AKAP7: variants seen among roughly 807,000 people sequenced by gnomAD.
The protein encoded by AKAP7 is A kinase (PRKA) anchor protein 7.
Under a neutral mutation model 39.5 loss-of-function variants are expected in AKAP7, and 39 were observed. The observed-to-expected ratio is 0.99, with a 90% CI of 0.76 to 1.29. The LOEUF (loss-of-function observed/expected upper bound fraction) is 1.29, where lower values mean the gene tolerates loss of function less well. Among genes scored for constraint, AKAP7 ranks in the 50% most tolerant of loss-of-function variants. AKAP7 has a pLI of 0.00. For synonymous variants in AKAP7, 140 were observed against 139.1 expected (o/e 1.01, Z -0.05); for missense variants, 414 against 407.7 (o/e 1.02, Z -0.13).
intron 6 of AKAP7, among the ~76,000 whole-genome samples, chr6:131,202,465 A>G (rs1301205050): frequency 1.3e-5 from 2 of 151,462 alleles, no homozygotes; most frequent in African/African-American, 2.4e-5. Context: ...TTGTAGGGAC[A>G]TGGATGAAAT....
intron 7 of AKAP7, among the ~76,000 whole-genome samples, chr6:131,223,129 A>G (rs1453813289): frequency 6.6e-6 from 1 of 152,250 alleles, no homozygotes; most frequent in Non-Finnish European, 1.5e-5. Flanking sequence ...ACTGCATATA[A>G]TGAAACATAA....
At chr6:131,190,764 A>T (rs1270832800) in intron 5 of AKAP7, among the ~76,000 whole-genome samples, 2 of 152,180 alleles carry the variant, frequency 1.3e-5, no homozygotes, top group Non-Finnish European at 2.9e-5. Context: ...ACAAATGCCC[A>T]CTGTTTTAAT....
intron 6 of AKAP7, among the ~76,000 whole-genome samples, chr6:131,207,696 G>C (rs1338043526): frequency 6.6e-6 from 1 of 151,648 alleles, no homozygotes; most frequent in Non-Finnish European, 1.5e-5. Flanking sequence ...AAATTATGTG[G>C]AAGTGCTGGT....
chr6:131,129,099 C>T, the AKAP7 span, among the ~76,000 whole-genome samples: 1 of 151,868 alleles, frequency 6.6e-6, no homozygotes, highest in East Asian at 1.9e-4. Context: ...CCAGCCTAGC[C>T]AACATGGTGA....
intron 6 of AKAP7, among the ~76,000 whole-genome samples, 191 bp from the exon 7 acceptor site, chr6:131,219,470 C>T (rs923704906): frequency 2.0e-4 from 30 of 152,212 alleles, no homozygotes; most frequent in African/African-American, 7.2e-4. Flanking sequence ...TTTAATACAA[C>T]TCCTTCTAGG....
intron 1 of AKAP7, among the ~76,000 whole-genome samples, chr6:131,144,612 T>C (rs1358571413): frequency 6.6e-6 from 1 of 152,180 alleles, no homozygotes; most frequent in African/African-American, 2.4e-5. Flanking sequence ...ATACACCTTC[T>C]TTCTCTTACC....
chr6:131,232,389 A>T (rs1488163278), intron 7 of AKAP7, among the ~76,000 whole-genome samples: 2 of 152,224 alleles, frequency 1.3e-5, no homozygotes, highest in Non-Finnish European at 2.9e-5. Context: ...CCATTAACAT[A>T]ATAATGAATT....
intron 3 of AKAP7, chr6:131,164,483 G>A: frequency 2.2e-6 from 1 of 454,958 alleles, no homozygotes; most frequent in East Asian, 7.0e-5. Context: ...TTTCTAATGT[G>A]TGCATTTGGA....
chr6:131,215,111 A>ATT (rs200619374), intron 6 of AKAP7, among the ~76,000 whole-genome samples: 1 of 150,620 alleles, frequency 6.6e-6, no homozygotes, highest in African/African-American at 2.4e-5. Flanking sequence ...AGATGGCATC[A>ATT]TTTTTTTTTC....
At chr6:131,169,719 GA>G (rs1562179429) in intron 5 of AKAP7, among the ~76,000 whole-genome samples, 1 of 151,894 alleles carries the variant, frequency 6.6e-6, no homozygotes, top group Admixed American at 6.6e-5. Flanking sequence ...ATTGGAAGCA[GA>G]AAAAAAATCA....
At chr6:131,263,573 T>G (rs112246375) in intron 7 of AKAP7, among the ~76,000 whole-genome samples, 27 of 152,188 alleles carry the variant, frequency 1.8e-4, no homozygotes, top group African/African-American at 5.8e-4. Context: ...AGCAGCATGT[T>G]GTGAAAATTT....
intron 4 of AKAP7, among the ~76,000 whole-genome samples, chr6:131,167,636 T>A (rs1025963005): frequency 6.6e-6 from 1 of 152,146 alleles, no homozygotes. Flanking sequence ...TGAGAAATGT[T>A]GACATTTACA....
intron 2 of AKAP7, among the ~76,000 whole-genome samples, chr6:131,151,970 T>C (rs1056403620): frequency 3.3e-5 from 5 of 152,232 alleles, no homozygotes; most frequent in African/African-American, 9.6e-5. Context: ...TTCATTTCTT[T>C]GTAGTTTTTG....
chr6:131,144,047 A>G (rs1446227660), intron 1 of AKAP7, among the ~76,000 whole-genome samples: 3 of 137,974 alleles, frequency 2.2e-5, no homozygotes, highest in Admixed American at 1.5e-4. Flanking sequence ...GAGTGGACAC[A>G]GCACATGTTT....
chr6:131,184,456 C>T (rs1278661828), intron 5 of AKAP7: 24 of 660,036 alleles, frequency 3.6e-5, no homozygotes, highest in Middle Eastern at 3.5e-4. Context: ...TAGCCATGAT[C>T]GCAGCATCAC....
rs115864605 is a variant in AKAP7 at position 131,178,876 on chromosome 6, A to G, written c.589+9603A>G. Among the ~76,000 whole-genome samples the G allele has an allele frequency of 7.5e-3, 1,145 of 152,172 alleles. 9 individuals are homozygous for G. The highest frequency in any genetic ancestry group is 0.026 in the African/African-American group (1,075 of 41,508). ...TCCTCCATGTTCTGGTCCACTGCCT[A>G]TATCTCCTGCCTTATCGTGGTCCTC... On this transcript the variant is annotated intron_variant, in intron 5 of 7. Transcript: ENST00000431975.
In AKAP7 at chr6:131,186,950, AG is replaced by A. The variant is rs1427383663; in HGVS notation, c.590-12510del. Among the ~76,000 whole-genome samples, 6 of 152,082 alleles carry A rather than the reference AG, an allele frequency of 3.9e-5. No homozygotes were observed. The East Asian group carries it at 1.2e-3, about 29-fold the overall frequency. ...CCATATATGTGAGGGTTTATTTTTG[AG>A]CTTTCTATTCTATTTCATTAGCCTA... On this transcript the variant is annotated intron_variant, in intron 5 of 7. Coordinates refer to ENST00000431975, the MANE Select transcript of AKAP7 (RefSeq NM_016377.4).
intron 7 of AKAP7, among the ~76,000 whole-genome samples, chr6:131,236,739 T>G (rs1811099566): frequency 6.6e-6 from 1 of 152,176 alleles, no homozygotes; most frequent in African/African-American, 2.4e-5. Flanking sequence ...TGCTTGTAAT[T>G]TTTGCACATT....
intron 7 of AKAP7, among the ~76,000 whole-genome samples, chr6:131,230,023 T>C (rs898084613): frequency 1.3e-5 from 2 of 152,240 alleles, no homozygotes; most frequent in African/African-American, 4.8e-5. Context: ...TCCATGTCTT[T>C]GCTATTGTGA....
Sources: allele counts gnomAD v4.1 joint callset (sites outside exome capture counted in the v4.1 genomes callset), GRCh38; gene constraint gnomAD v4.1.1; transcripts MANE v1.5; gene names NCBI Gene and HGNC (gene_info 2026-07-23, HGNC 2026-07-21).